The following SECISBP2 variants were observed in gnomAD, a reference collection of about 807,000 sequenced individuals.
SECISBP2 encodes selenocysteine insertion sequence-binding protein 2.
Under a neutral mutation model 98.2 loss-of-function variants are expected in SECISBP2, and 96 were observed. The observed-to-expected ratio is 0.98, with a 90% CI of 0.83 to 1.16. The LOEUF (loss-of-function observed/expected upper bound fraction) is 1.16. Among genes scored for constraint, SECISBP2 ranks in the 50% most tolerant of loss-of-function variants. SECISBP2 has a pLI of 0.00. For missense variants in SECISBP2, 1,046 were observed against 1,022.9 expected (o/e 1.02, Z -0.31); for synonymous variants, 407 against 370.2 (o/e 1.10, Z -1.14).
At chr9:89,362,276 C>G (rs1013679000), downstream of SECISBP2, 1 of 1,548,708 alleles carries the variant, frequency 6.5e-7, no homozygotes, top group South Asian at 1.1e-5. Flanking sequence ...TGGCTGTGTT[C>G]AGAGCAGGCT....
chr9:89,343,372 CA>C (rs1335277212), intron 10 of SECISBP2, among the ~76,000 whole-genome samples: 1 of 151,694 alleles, frequency 6.6e-6, no homozygotes, highest in Non-Finnish European at 1.5e-5. Context: ...ATTTTAGATT[CA>C]GGGGTACACA....
rs1340485753 is a variant in SECISBP2, at chr9:89,341,343, T to C, written c.1303-4T>C. ...AAGTAAACTTACGAATTTTGAACTT[T>C]CAGGATAATTTTAAAAATAATGTAA... On this transcript the variant is annotated splice_region_variant and splice_polypyrimidine_tract_variant and intron_variant, in intron 9 of 16. Transcript: ENST00000375807. The C allele has an allele frequency of 5.6e-6, 9 of 1,613,006 alleles. No individual in the cohort carries two copies. Among genetic ancestry groups the C allele is most frequent in the Admixed American group, 3.3e-5 (2 of 59,986 alleles).
At chr9:89,345,054 A>C (rs1442619495) in intron 10 of SECISBP2, among the ~76,000 whole-genome samples, 2 of 152,196 alleles carry the variant, frequency 1.3e-5, no homozygotes, top group African/African-American at 4.8e-5. Context: ...ACTAGCAACA[A>C]ATTCTCATGG....
At chr9:89,319,502 A>G (rs1349335706) in intron 1 of SECISBP2, 150 bp from the exon 2 acceptor site, 2 of 838,426 alleles carry the variant, frequency 2.4e-6, no homozygotes, top group Non-Finnish European at 3.9e-6. Flanking sequence ...AATCGTTAGC[A>G]AGCAGGTTCT....
rs764149066 is a variant in SECISBP2 at position 89,332,900 on chromosome 9, C to CT, written c.802-3dup. On this transcript the variant is annotated splice_region_variant and splice_polypyrimidine_tract_variant and intron_variant, in intron 5 of 16. Transcript: ENST00000375807. ...TCTCTGATGACATCTAATGTGTTTG[C>CT]TTTTTAGGGTGAAATAGTGGTGAAA... 1.9e-6 allele frequency: 3 copies of CT among 1,610,644 alleles called. No individual in the cohort carries two copies. Among genetic ancestry groups the CT allele is most frequent in the South Asian group, 2.2e-5 (2 of 90,992 alleles).
intron 2 of SECISBP2, among the ~76,000 whole-genome samples, chr9:89,320,669 T>C (rs2131526041): frequency 6.6e-6 from 1 of 152,346 alleles, no homozygotes; most frequent in East Asian, 1.9e-4. Flanking sequence ...TCTTCTAAAT[T>C]TGAGTTGAAA....
At chr9:89,319,999 C>G (rs566411244) in intron 2 of SECISBP2, among the ~76,000 whole-genome samples, 1 of 151,774 alleles carries the variant, frequency 6.6e-6, no homozygotes, top group African/African-American at 2.4e-5. Context: ...CCTTTTTTTT[C>G]TTCATACTCA....
In SECISBP2 at chr9:89,357,582, C is replaced by T; in HGVS notation, c.2268+17C>T. On this transcript the variant is annotated intron_variant, in intron 15 of 16. Transcript: ENST00000375807. Reference sequence around the variant, plus strand: ...GGGGCCCAGGTGAGTGCACAGGGCACAGGCCTCTTCAGTCACTGCCCGTGG... The same window carrying T: ...GGGGCCCAGGTGAGTGCACAGGGCATAGGCCTCTTCAGTCACTGCCCGTGG... 6.2e-7 allele frequency: 1 copy of T among 1,612,416 alleles called. No individual in the cohort carries two copies. Among genetic ancestry groups the T allele is most frequent in the Non-Finnish European group, 8.5e-7 (1 of 1,179,872 alleles).
intron 7 of SECISBP2, among the ~76,000 whole-genome samples, chr9:89,334,997 G>C (rs1318670564): frequency 2.0e-5 from 3 of 152,108 alleles, no homozygotes; most frequent in Admixed American, 2.0e-4. Flanking sequence ...GGCAGATCAC[G>C]AGGTCAGGAG....
intron 5 of SECISBP2, 54 bp downstream of exon 5, chr9:89,328,940 T>C: frequency 7.2e-7 from 1 of 1,392,480 alleles, no homozygotes; most frequent in Non-Finnish European, 1.0e-6. Flanking sequence ...TTAAATTGTC[T>C]CATTTCAAAC....
downstream of SECISBP2, among the ~76,000 whole-genome samples, chr9:89,363,218 G>GC (rs1450622585): frequency 4.6e-5 from 7 of 152,218 alleles, no homozygotes; most frequent in African/African-American, 1.4e-4. Flanking sequence ...AAGGGCTGGG[G>GC]CCAGATGCCC....
At chr9:89,364,189 G>C (rs2132234742), downstream of SECISBP2, 3 of 748,804 alleles carry the variant, frequency 4.0e-6, no homozygotes, top group South Asian at 5.6e-5. Context: ...ATTTTTCAAA[G>C]CACACCTGTG....
chr9:89,341,776 A>G (rs1487474990), intron 10 of SECISBP2, among the ~76,000 whole-genome samples: 1 of 152,208 alleles, frequency 6.6e-6, no homozygotes, highest in Non-Finnish European at 1.5e-5. Flanking sequence ...CATACCTCCT[A>G]CCTCACACCA....
intron 6 of SECISBP2, chr9:89,333,962 G>C: frequency 1.0e-6 from 1 of 985,824 alleles, no homozygotes; most frequent in Non-Finnish European, 1.2e-6. Context: ...GGTAGCCACA[G>C]GCTGCTGACA....
rs148345018 is a variant in SECISBP2, at chr9:89,351,598, C to T, written c.2113+746C>T. ...TCCTGCAGTGTCAAATTCAGCTTTA[C>T]GGAGTCCCACTTTGAGATAATGCAT... On this transcript the variant is annotated intron_variant, in intron 14 of 16. Coordinates refer to ENST00000375807, the MANE Select transcript of SECISBP2 (RefSeq NM_024077.5). Among the ~76,000 whole-genome samples, 316 of 152,298 alleles carry T rather than the reference C, an allele frequency of 2.1e-3. 1 individual carries two copies. The highest frequency in any genetic ancestry group is 7.4e-3 in the African/African-American group (306 of 41,550).
At chr9:89,330,949 TATAC>T (rs1161005145) in intron 5 of SECISBP2, among the ~76,000 whole-genome samples, 2 of 152,252 alleles carry the variant, frequency 1.3e-5, no homozygotes, top group Non-Finnish European at 2.9e-5. Context: ...AGATAGAAGA[TATAC>T]ATACTGATTG....
chr9:89,330,581 G>A (rs1224019891), intron 5 of SECISBP2: 2 of 152,272 alleles, frequency 1.3e-5, no homozygotes, highest in Non-Finnish European at 2.9e-5. Context: ...GCAGAAGATA[G>A]GCCATTGTGT....
At chr9:89,320,263 G>A (rs1237505970) in intron 2 of SECISBP2, among the ~76,000 whole-genome samples, 1 of 148,770 alleles carries the variant, frequency 6.7e-6, no homozygotes, top group Non-Finnish European at 1.5e-5. Flanking sequence ...GACTGGGGCA[G>A]CAGAATCCTT....
At chr9:89,321,357 A>C (rs1825772240) in intron 2 of SECISBP2, among the ~76,000 whole-genome samples, 1 of 152,236 alleles carries the variant, frequency 6.6e-6, no homozygotes, top group Non-Finnish European at 1.5e-5. Flanking sequence ...AAGAATGGGC[A>C]GTGCTGAATT....
Sources: allele counts gnomAD v4.1 joint callset (sites outside exome capture counted in the v4.1 genomes callset), GRCh38; gene constraint gnomAD v4.1.1; transcripts MANE v1.5; gene names NCBI Gene and HGNC (gene_info 2026-07-23, HGNC 2026-07-21).